The following TAFA2 variants were observed in gnomAD, a reference collection of about 807,000 sequenced individuals.
The protein encoded by TAFA2 is TAFA chemokine like family member 2, also known as chemokine-like protein TAFA-2.
In TAFA2, 7 loss-of-function variants were observed where a neutral mutation model predicts 18.8. The observed-to-expected ratio is 0.37, with a 90% confidence interval of 0.21 to 0.70. The LOEUF (loss-of-function observed/expected upper bound fraction) is 0.70. Ranked by LOEUF, TAFA2 falls within the 30% of genes least tolerant of loss-of-function variation. The probability of loss-of-function intolerance (pLI) is 0.53; values close to 1 mark genes in which losing one functional copy is unlikely to be tolerated. For missense variants in TAFA2, 122 were observed against 158.1 expected (o/e 0.77, Z 1.23); for synonymous variants, 60 against 54.2 (o/e 1.11, Z -0.47).
chr12:61,771,407 C>A (rs994513721), intron 2 of TAFA2, among the ~76,000 whole-genome samples: 1 of 151,902 alleles, frequency 6.6e-6, no homozygotes, highest in Non-Finnish European at 1.5e-5. Flanking sequence ...GAACACTCTA[C>A]CCAAAAACTG....
intron 1 of TAFA2, among the ~76,000 whole-genome samples, chr12:62,093,744 G>A (rs778344952): frequency 1.3e-5 from 2 of 151,942 alleles, no homozygotes; most frequent in African/African-American, 2.4e-5. Flanking sequence ...TGCCCTCAGA[G>A]GGCCATGTGT....
At position 61,826,773 on chromosome 12, in the gene TAFA2, C is replaced by G. The variant is rs777413911; in HGVS notation, c.106+40547G>C. On this transcript the variant is annotated intron_variant, in intron 2 of 4. Transcript: ENST00000416284. Reference sequence around the variant, plus strand: ...CTGAACTCTGTCTCTCTCTCTCTCTCTCTCACTTTCTCTCATTTAGAGCTA... The same window carrying G: ...CTGAACTCTGTCTCTCTCTCTCTCTGTCTCACTTTCTCTCATTTAGAGCTA... Among the ~76,000 whole-genome samples, 4 of 151,964 alleles carry G rather than the reference C, an allele frequency of 2.6e-5. No individual in the cohort carries two copies. The East Asian group carries it at 7.7e-4, about 29-fold the overall frequency.
intron 2 of TAFA2, among the ~76,000 whole-genome samples, chr12:61,778,954 G>A (rs945849664): frequency 6.6e-6 from 1 of 151,792 alleles, no homozygotes; most frequent in Non-Finnish European, 1.5e-5. Flanking sequence ...TGCTTAAAAT[G>A]TGCCCTGTTG....
intron 1 of TAFA2, among the ~76,000 whole-genome samples, chr12:61,985,973 C>G (rs939332811): frequency 6.6e-6 from 1 of 152,058 alleles, no homozygotes; most frequent in Admixed American, 6.6e-5. Flanking sequence ...CCACAGCTAC[C>G]TCAGCCCACA....
chr12:61,943,421 T>A (rs1878122936), intron 1 of TAFA2, among the ~76,000 whole-genome samples: 1 of 149,722 alleles, frequency 6.7e-6, no homozygotes, highest in Non-Finnish European at 1.5e-5. Flanking sequence ...CCAGCTAACA[T>A]CATAATGACA....
chr12:62,068,085 A>C lies in TAFA2; in HGVS notation c.-2+123174T>G, dbSNP rs186461295. On this transcript the variant is annotated intron_variant, in intron 1 of 4. Transcript: ENST00000416284. ...GCAATTCTGTAGTCACTGGACTACAATTCCTTTTACCAAAAAAAAAATTAA... is the reference window on the plus strand; with the variant it reads ...GCAATTCTGTAGTCACTGGACTACACTTCCTTTTACCAAAAAAAAAATTAA... Among the ~76,000 whole-genome samples, 686 of 152,024 alleles carry C rather than the reference A, an allele frequency of 4.5e-3. 11 individuals are homozygous for C. The highest frequency in any genetic ancestry group is 0.024 in the Admixed American group (370 of 15,260).
chr12:62,230,891 G>A (rs11174383), intron 1 of TAFA2, among the ~76,000 whole-genome samples: 26,212 of 152,084 alleles, frequency 0.17, 2,584 homozygotes, highest in East Asian at 0.34. Flanking sequence ...ACACAGGCTG[G>A]TCTTGAACTC....
Position 62,021,616 on chromosome 12 carries a change from C to A in TAFA2, c.-1-154190G>T, listed in dbSNP as rs892031714. ...GACGGCAGGCGGTTCTGGCTTCCCA[C>A]CCTTCTGTTCTGAGATGGGGTGGTG... On this transcript the variant is annotated intron_variant, in intron 1 of 4. Transcript: ENST00000416284. 3.6e-6 allele frequency: 4 copies of A among 1,099,328 alleles called. No individual in the cohort carries two copies. In the African/African-American group the frequency reaches 6.2e-5, roughly 17 times the overall value. 68.1% of individuals were successfully genotyped at this position (1,099,328 alleles called of 1,614,324 possible).
At chr12:62,007,828 T>C (rs1051796787) in intron 1 of TAFA2, among the ~76,000 whole-genome samples, 1 of 152,262 alleles carries the variant, frequency 6.6e-6, no homozygotes, top group Non-Finnish European at 1.5e-5. Context: ...TTATCATTTC[T>C]TTGTGGCGAG....
intron 1 of TAFA2, among the ~76,000 whole-genome samples, chr12:61,888,064 A>G (rs1417431217): frequency 6.6e-6 from 1 of 151,872 alleles, no homozygotes; most frequent in Non-Finnish European, 1.5e-5. Context: ...GGCAATCATT[A>G]AAAAGTCAGG....
intron 1 of TAFA2, among the ~76,000 whole-genome samples, chr12:62,146,315 G>T (rs2062280834): frequency 7.6e-6 from 1 of 132,184 alleles, no homozygotes; most frequent in East Asian, 2.2e-4. Flanking sequence ...ACAGGATCTG[G>T]CTCTGTTGCC....
At chr12:61,910,814 C>T (rs576389710) in intron 1 of TAFA2, among the ~76,000 whole-genome samples, 1 of 152,244 alleles carries the variant, frequency 6.6e-6, no homozygotes, top group East Asian at 1.9e-4. Context: ...AATTAGTATC[C>T]CTTTTGCCAT....
chr12:62,209,146 T>C (rs1289169362), intron 1 of TAFA2, among the ~76,000 whole-genome samples: 5 of 152,234 alleles, frequency 3.3e-5, no homozygotes, highest in Admixed American at 2.0e-4. Context: ...TTAGGCTTTG[T>C]GTCCCTACCC....
rs1323626091 is a variant in TAFA2 at position 61,709,155 on chromosome 12, A to G, written c.*1251T>C. On this transcript the variant is annotated 3_prime_UTR_variant, in exon 5 of 5. Coordinates refer to ENST00000416284, the MANE Select transcript of TAFA2 (RefSeq NM_178539.5). Reference sequence around the variant, plus strand: ...AAATAAATGTAGTACAAAATTATACATTCTATAACTTAGAAAAAAAAAGTA... The same window carrying G: ...AAATAAATGTAGTACAAAATTATACGTTCTATAACTTAGAAAAAAAAAGTA... The G allele has an allele frequency of 6.6e-6, 1 of 152,554 alleles. No individual in the cohort carries two copies. Among genetic ancestry groups the G allele is most frequent in the Non-Finnish European group, 1.5e-5 (1 of 68,002 alleles). 9.5% of individuals were successfully genotyped at this position (152,554 alleles called of 1,614,324 possible).
intron 1 of TAFA2, among the ~76,000 whole-genome samples, chr12:62,110,713 T>C (rs940288902): frequency 2.0e-5 from 3 of 151,678 alleles, no homozygotes; most frequent in African/African-American, 7.3e-5. Flanking sequence ...CCTGGTTTAG[T>C]CTTGGGAGGG....
chr12:61,873,910 G>A (rs948535579), intron 1 of TAFA2, among the ~76,000 whole-genome samples: 1 of 152,136 alleles, frequency 6.6e-6, no homozygotes, highest in Admixed American at 6.5e-5. Context: ...AGAGACTCAT[G>A]TAAGTTGTAT....
intron 1 of TAFA2, among the ~76,000 whole-genome samples, chr12:62,014,203 T>A (rs1189364048): frequency 1.3e-5 from 2 of 152,220 alleles, no homozygotes; most frequent in Admixed American, 1.3e-4. Context: ...TCCTCAAGAA[T>A]ACAGGGTAAA....
Position 61,777,328 on chromosome 12 carries a change from G to C in TAFA2, c.107-22304C>G, listed in dbSNP as rs564853281. ...AATAATCCTGTTTTGCAGTATTATC[G>C]GGAGGATTAAACAAGATAAGGTAGG... is the stretch of plus-strand genomic sequence containing the variant. On this transcript the variant is annotated intron_variant, in intron 2 of 4. Coordinates refer to ENST00000416284, the MANE Select transcript of TAFA2 (RefSeq NM_178539.5). 3.3e-5 allele frequency among the ~76,000 whole-genome samples: 5 copies of C among 151,910 alleles called. No homozygotes were observed. The East Asian group carries it at 9.7e-4, about 30-fold the overall frequency.
At chr12:62,019,311 C>A (rs1414475858) in intron 1 of TAFA2, among the ~76,000 whole-genome samples, 3 of 151,954 alleles carry the variant, frequency 2.0e-5, no homozygotes, top group Non-Finnish European at 2.9e-5. Context: ...TTGACCTAGC[C>A]ATCCCATTAC....
Sources: gnomAD v4.1 joint callset for allele counts (sites outside exome capture counted in the v4.1 genomes callset) on GRCh38, gnomAD v4.1.1 for gene constraint, MANE v1.5 for transcripts, NCBI Gene and HGNC (gene_info 2026-07-23, HGNC 2026-07-21) for gene names.